Variants in SCYL2 observed in about 807,000 individuals in gnomAD.
SCYL2 encodes the protein SCY1-like protein 2.
A neutral mutation model predicts 100.4 loss-of-function variants in SCYL2; 36 were observed. That is an observed-to-expected ratio of 0.36 (90% confidence interval 0.27 to 0.47). The LOEUF (loss-of-function observed/expected upper bound fraction) is 0.47. Ranked by LOEUF, SCYL2 falls within the 20% of genes least tolerant of loss-of-function variation. SCYL2 has a pLI of 1.00. For synonymous variants in SCYL2, 330 were observed against 359.2 expected (o/e 0.92, Z 0.92); for missense variants, 902 against 1,083.9 (o/e 0.83, Z 2.36).
intron 3 of SCYL2, among the ~76,000 whole-genome samples, chr12:100,294,259 A>T (rs2096314550): frequency 7.9e-6 from 1 of 126,700 alleles, no homozygotes; most frequent in African/African-American, 3.0e-5. Flanking sequence ...TGGGGGGCTG[A>T]CCCCCCAACC....
At chr12:100,277,791 C>T (rs768727598) in intron 1 of SCYL2, among the ~76,000 whole-genome samples, 9 of 151,592 alleles carry the variant, frequency 5.9e-5, no homozygotes, top group Non-Finnish European at 1.0e-4. Flanking sequence ...TCCTCTTTTC[C>T]GCTTCTTTTT....
chr12:100,330,337 GA>G (rs1484488441), intron 13 of SCYL2, among the ~76,000 whole-genome samples: 1 of 152,074 alleles, frequency 6.6e-6, no homozygotes, highest in Non-Finnish European at 1.5e-5. Flanking sequence ...GATTATTATG[GA>G]ATTGTCTCTC....
At chr12:100,287,226 A>G (rs1174333883) in intron 2 of SCYL2, among the ~76,000 whole-genome samples, 1 of 152,220 alleles carries the variant, frequency 6.6e-6, no homozygotes, top group African/African-American at 2.4e-5. Context: ...GTATCTTGTT[A>G]TCAACAGAGC....
Position 100,308,188 on chromosome 12 carries a change from C to T in SCYL2, c.481-2856C>T, listed in dbSNP as rs550187481. Among the ~76,000 whole-genome samples the T allele has an allele frequency of 2.6e-5, 4 of 152,232 alleles. No homozygotes were observed. The East Asian group carries it at 5.8e-4, about 22-fold the overall frequency. ...ATTCTACTATAAAGACACATGCACACGTATGTTTATTGCAGCACTATTCAC... is the reference window on the plus strand; with the variant it reads ...ATTCTACTATAAAGACACATGCACATGTATGTTTATTGCAGCACTATTCAC... On this transcript the variant is annotated intron_variant, in intron 4 of 17. Coordinates refer to ENST00000360820, the MANE Select transcript of SCYL2 (RefSeq NM_017988.6).
chr12:100,339,002 T>C lies in SCYL2; in HGVS notation c.2620T>C (p.Ser874Pro). 1 of 1,614,112 alleles carries C rather than the reference T, an allele frequency of 6.2e-7. No individual in the cohort carries two copies. Among genetic ancestry groups the C allele is most frequent in the Non-Finnish European group, 8.5e-7 (1 of 1,179,972 alleles). ...TAATCAGTTTGTACCTCCTCAAGGT[T>C]CTCCAACTATGGGCAGTTCAGTAAT... ...WLNQFVPPQG[S>P]PTMGSSVMGT... Residue 874 changes from serine to proline, a missense_variant, in exon 18 of 18, where the codon TCT becomes CCT. Ser to Pro is a moderately conservative substitution (Grantham distance 74). Transcript: ENST00000360820.
chr12:100,312,705 T>C, intron 6 of SCYL2, 52 bp downstream of exon 6: 1 of 1,333,522 alleles, frequency 7.5e-7, no homozygotes, highest in Non-Finnish European at 1.0e-6. Context: ...TAAATGTGTC[T>C]TTGATTTTTT....
chr12:100,280,102 G>A (rs1326754329), intron 1 of SCYL2, among the ~76,000 whole-genome samples: 1 of 152,048 alleles, frequency 6.6e-6, no homozygotes, highest in Non-Finnish European at 1.5e-5. Context: ...TTCTTACTGG[G>A]GTCAAAGGCT....
chr12:100,296,178 A>T (rs2096320204), intron 3 of SCYL2, among the ~76,000 whole-genome samples: 1 of 152,238 alleles, frequency 6.6e-6, no homozygotes, highest in Non-Finnish European at 1.5e-5. Context: ...TTACTTTAAG[A>T]TGTCCTAATT....
chr12:100,317,584 AT>A, intron 9 of SCYL2: 2 of 1,077,498 alleles, frequency 1.9e-6, no homozygotes, highest in Non-Finnish European at 2.5e-6. Context: ...ATTAGTCTTT[AT>A]TTAATTAACA....
At chr12:100,294,120 C>CCTCGCCTCCCGGA (rs2096314048) in intron 3 of SCYL2, among the ~76,000 whole-genome samples, 2 of 140,746 alleles carry the variant, frequency 1.4e-5, no homozygotes, top group Non-Finnish European at 3.2e-5. Context: ...CAGAGGCGCC[C>CCTCGCCTCCCGGA]CTCACCTCCC....
rs1393082349 is a variant in SCYL2, at chr12:100,291,664, A to G, written c.335+4A>G. 1.9e-6 allele frequency: 3 copies of G among 1,566,566 alleles called. No homozygotes were observed. The African/African-American group carries it at 4.2e-5, about 22-fold the overall frequency. On this transcript the variant is annotated splice_donor_region_variant and intron_variant, in intron 3 of 17. Coordinates refer to ENST00000360820, the MANE Select transcript of SCYL2 (RefSeq NM_017988.6). ...AGCATCCTTTAGAAGAATCCAGGTA[A>G]ATTTTTACAAAAACTTACATAGTAG...
chr12:100,332,237 T>C (rs1255208674), intron 13 of SCYL2, among the ~76,000 whole-genome samples: 2 of 152,134 alleles, frequency 1.3e-5, no homozygotes, highest in Non-Finnish European at 2.9e-5. Flanking sequence ...TTCAATGAGG[T>C]CTGATCAAGT....
chr12:100,313,706 A>G (rs987801931), intron 7 of SCYL2, among the ~76,000 whole-genome samples, 168 bp downstream of exon 7: 4 of 152,210 alleles, frequency 2.6e-5, no homozygotes, highest in Admixed American at 2.6e-4. Flanking sequence ...TGTATCCTTG[A>G]GTGTATTAAA....
chr12:100,336,040 T>A, intron 16 of SCYL2, 134 bp downstream of exon 16: 1 of 683,600 alleles, frequency 1.5e-6, no homozygotes. Flanking sequence ...TGAAATTCCT[T>A]TATCAGTTAA....
chr12:100,323,599 A>G lies in SCYL2; in HGVS notation c.1470A>G (p.Pro490=), dbSNP rs1423201103. Residue 490 remains proline (P), a synonymous_variant, in exon 11 of 18, where the codon CCA becomes CCG. Coordinates refer to ENST00000360820, the MANE Select transcript of SCYL2 (RefSeq NM_017988.6). The part of the protein sequence containing the change: ...DYPSMKNALI[P]RIKNACLQTS... Reference sequence around the variant, plus strand: ...CATCCATGAAAAACGCTTTGATACCAAGAATTAAAAATGCTTGTCTACAAA... The same window carrying G: ...CATCCATGAAAAACGCTTTGATACCGAGAATTAAAAATGCTTGTCTACAAA... The G allele has an allele frequency of 1.9e-6, 3 of 1,602,708 alleles. No homozygotes were observed. Among genetic ancestry groups the G allele is most frequent in the South Asian group, 1.1e-5 (1 of 89,512 alleles).
At chr12:100,301,186 G>A (rs2096327129) in intron 4 of SCYL2, among the ~76,000 whole-genome samples, 1 of 152,140 alleles carries the variant, frequency 6.6e-6, no homozygotes, top group African/African-American at 2.4e-5. Flanking sequence ...TTGTATGAAG[G>A]CATTTTAATT....
rs992382746 is a variant in SCYL2, at chr12:100,326,693, T to C, written c.1581T>C (p.Asp527=). ...EYLDKWFVLD[D]ILPFLQQIPS... is the part of the protein sequence containing the mutation. ...TGGATAAGTGGTTTGTACTTGATGA[T>C]ATCCTACCCTTCTTACAACAAATTC... The change falls in exon 12 of 18, where the codon GAT becomes GAC. Residue 527 remains aspartate (D), a synonymous_variant. Transcript: ENST00000360820. 10 of 1,611,294 alleles carry C rather than the reference T, an allele frequency of 6.2e-6. No homozygotes were observed. In the African/African-American group the frequency reaches 9.3e-5, roughly 15 times the overall value.
At position 100,283,008 on chromosome 12, in the gene SCYL2, C is replaced by A. The variant is rs1244025690; in HGVS notation, c.38C>A (p.Thr13Lys). 6.2e-7 allele frequency: 1 copy of A among 1,610,730 alleles called. No individual in the cohort carries two copies. The highest frequency in any genetic ancestry group is 8.5e-7 in the Non-Finnish European group (1 of 1,178,628). The change falls in exon 2 of 18, where the codon ACA (threonine) becomes AAA (lysine). Residue 13 changes from threonine to lysine, a missense_variant. Physicochemically the swap from Thr to Lys is moderately conservative, Grantham distance 78 (BLOSUM62 -1). Transcript: ENST00000360820. The stretch of plus-strand genomic sequence containing the variant: ...CTTAATAAATTGAAGAGTACTGTTA[C>A]AAAAGTAACAGCTGATGTCACTAGT... ...SMLNKLKSTVTKVTADVTSAV... is the reference protein window; with the variant it reads ...SMLNKLKSTVKKVTADVTSAV...
At chr12:100,273,356 A>G (rs2096289463) in intron 1 of SCYL2, among the ~76,000 whole-genome samples, 1 of 152,118 alleles carries the variant, frequency 6.6e-6, no homozygotes, top group Non-Finnish European at 1.5e-5. Flanking sequence ...TTCCTATAAC[A>G]CTGTGCATGT....
Sources: allele counts gnomAD v4.1 joint callset (sites outside exome capture counted in the v4.1 genomes callset), GRCh38; gene constraint gnomAD v4.1.1; transcripts MANE v1.5; gene names NCBI Gene and HGNC (gene_info 2026-07-23, HGNC 2026-07-21).